Variants in CYB5R1 observed in about 807,000 individuals in gnomAD.
CYB5R1 encodes the protein cytochrome b5 reductase 1.
Under a neutral mutation model 37.4 loss-of-function variants are expected in CYB5R1, and 32 were observed. That is an observed-to-expected ratio of 0.86 (90% confidence interval 0.65 to 1.15). CYB5R1 has a LOEUF of 1.15. CYB5R1 is among the 50% of genes most tolerant of loss of function. The pLI, the probability that CYB5R1 is intolerant of heterozygous loss-of-function variation, is 0.00. For synonymous variants in CYB5R1, 159 were observed against 155.2 expected, an observed-to-expected ratio of 1.02 and a Z score of -0.18; for missense variants, 345 against 382.5, an observed-to-expected ratio of 0.90 and a Z score of 0.82.
chr1:202,966,571 G>A lies in CYB5R1; in HGVS notation c.195C>T (p.Arg65=). 1 of 1,614,208 alleles carries A rather than the reference G, an allele frequency of 6.2e-7. No individual in the cohort carries two copies. Among genetic ancestry groups the A allele is most frequent in the Non-Finnish European group, 8.5e-7 (1 of 1,180,030 alleles). The change falls in exon 3 of 9, where the codon CGC becomes CGT. Residue 65 remains arginine (R), a synonymous_variant. Coordinates refer to ENST00000367249, the MANE Select transcript of CYB5R1 (RefSeq NM_016243.3). ...TTVSHNTKRF[R]FALPTAHHTL... is the part of the protein sequence containing the mutation. ...TGTGGTGGGCGGTGGGCAGGGCAAA[G>A]CGGAACCTCTTGGTGTTGTGGCTCA...
Position 202,962,620 on chromosome 1 carries a change from T to C in CYB5R1, c.825A>G (p.Val275=). ...HLPAPGDDVL[V]LLCGPPPMVQ... is the part of the protein sequence containing the mutation. ...CCATTGGGGGTGGCCCACAAAGCAG[T>C]ACCAGCACATCATCCCCTGGAGCGG... Residue 275 remains valine (V), a synonymous_variant, in exon 9 of 9, where the codon GTA becomes GTG. Coordinates refer to ENST00000367249, the MANE Select transcript of CYB5R1 (RefSeq NM_016243.3). The C allele has an allele frequency of 1.5e-5, 24 of 1,614,206 alleles. No individual in the cohort carries two copies. The highest frequency in any genetic ancestry group is 2.0e-5 in the Non-Finnish European group (24 of 1,180,046).
intron 8 of CYB5R1, 139 bp downstream of exon 8, chr1:202,962,927 C>A (rs550808555): frequency 5.2e-6 from 5 of 964,096 alleles, no homozygotes; most frequent in Non-Finnish European, 8.4e-6. Flanking sequence ...ACCAGGAGAT[C>A]ACTGTGTCTG....
At position 202,963,741 on chromosome 1, in the gene CYB5R1, C is replaced by A. The variant is rs543598961; in HGVS notation, c.560-14G>T. The A allele has an allele frequency of 5.9e-5, 93 of 1,589,334 alleles. 1 individual carries two copies. In the South Asian group the frequency reaches 9.8e-4, roughly 17 times the overall value. On this transcript the variant is annotated splice_polypyrimidine_tract_variant and intron_variant, in intron 6 of 8. Coordinates refer to ENST00000367249, the MANE Select transcript of CYB5R1 (RefSeq NM_016243.3). ...TTGGGGTGATTCCTGCATGAAGATA[C>A]CCCACAGTGAAATGTAGTGGCCACA...
chr1:202,964,424 T>TAA (rs11380528), intron 6 of CYB5R1, 188 bp downstream of exon 6: 1 of 594,806 alleles, frequency 1.7e-6, no homozygotes, highest in South Asian at 2.1e-5. Context: ...TTCCATCAGT[T>TAA]AAAATTTTTT....
At position 202,965,355 on chromosome 1, in the gene CYB5R1, G is replaced by C. The variant is rs1440164683; in HGVS notation, c.475+16C>G. The C allele has an allele frequency of 6.4e-7, 1 of 1,562,372 alleles. No homozygotes were observed. Among genetic ancestry groups the C allele is most frequent in the Non-Finnish European group, 8.6e-7 (1 of 1,157,858 alleles). ...ATAAAGTGGGAGACAGGCTCAAGGA[G>C]AAGACAGGTCATTACCTTTTCCAGT... On this transcript the variant is annotated intron_variant, in intron 5 of 8. Coordinates refer to ENST00000367249, the MANE Select transcript of CYB5R1 (RefSeq NM_016243.3).
At chr1:202,965,613 C>A in intron 4 of CYB5R1, 113 bp from the exon 5 acceptor site, 1 of 1,193,752 alleles carries the variant, frequency 8.4e-7, no homozygotes, top group Admixed American at 2.5e-5. Flanking sequence ...CTATCTTTTC[C>A]CCGTCTACAT....
intron 3 of CYB5R1, 34 bp from the exon 4 acceptor site, chr1:202,966,027 T>C: frequency 7.3e-7 from 1 of 1,376,422 alleles, no homozygotes; most frequent in Admixed American, 1.7e-5. Flanking sequence ...ATAAGGGTTG[T>C]CTGTGATGTG....
chr1:202,962,859 C>A lies in CYB5R1; in HGVS notation c.746-160G>T. ...ATACTCAGCCTGCCTCAAGCTGAGC[C>A]TTAGCAGCACCGCCATCCCTGTCAC... is the stretch of plus-strand genomic sequence containing the variant. On this transcript the variant is annotated intron_variant, in intron 8 of 8. Transcript: ENST00000367249. 6 of 1,026,792 alleles carry A rather than the reference C, an allele frequency of 5.8e-6. No individual in the cohort carries two copies. The South Asian group carries it at 8.1e-5, about 14-fold the overall frequency. The allele number at this position is 1,026,792 out of a possible 1,614,324, so 63.6% of individuals were successfully genotyped here.
intron 6 of CYB5R1, 93 bp from the exon 7 acceptor site, chr1:202,963,820 C>A: frequency 1.4e-6 from 1 of 708,636 alleles, no homozygotes; most frequent in Non-Finnish European, 2.2e-6. Context: ...CTTCATTCTG[C>A]TCATTCACCA....
At position 202,966,784 on chromosome 1, in the gene CYB5R1, T is replaced by C. The variant is rs777377199; in HGVS notation, c.130A>G (p.Asn44Asp). ...AGCAGTCGTAGCAGGTACTTTTCAT[T>C]GGGGTCCAGGAGAGTGACCTGAGGC... ...RRPQVTLLDPNEKYLLRLLDK... is the reference protein window; with the variant it reads ...RRPQVTLLDPDEKYLLRLLDK... The change falls in exon 2 of 9, where the codon AAT becomes GAT. Residue 44 changes from asparagine (N) to aspartate (D), a missense_variant. Physicochemically the swap from Asn to Asp is conservative, Grantham distance 23. Transcript: ENST00000367249. 4 of 1,614,060 alleles carry C rather than the reference T, an allele frequency of 2.5e-6. No homozygotes were observed. The highest frequency in any genetic ancestry group is 3.4e-6 in the Non-Finnish European group (4 of 1,179,964).
intron 6 of CYB5R1, chr1:202,963,938 G>C: frequency 9.0e-6 from 4 of 443,998 alleles, no homozygotes; most frequent in Non-Finnish European, 1.6e-5. Context: ...TCATATTGTA[G>C]AAATCTTTCT....
At chr1:202,965,319 T>G (rs1655062678) in intron 5 of CYB5R1, 52 bp downstream of exon 5, 1 of 1,527,240 alleles carries the variant, frequency 6.5e-7, no homozygotes, top group East Asian at 2.4e-5. Context: ...CCAAGAGGAC[T>G]ATGGGAACTG....
At chr1:202,963,540 C>A (rs1655034439) in intron 7 of CYB5R1, 102 bp downstream of exon 7, 2 of 840,098 alleles carry the variant, frequency 2.4e-6, no homozygotes. Flanking sequence ...TGGGCAGAGG[C>A]TAAAACAGGG....
At position 202,966,954 on chromosome 1, in the gene CYB5R1, G is replaced by A. The variant is rs1003531737; in HGVS notation, c.16-56C>T. 7.2e-6 allele frequency: 11 copies of A among 1,535,482 alleles called. No homozygotes were observed. In the East Asian group the frequency reaches 1.2e-4, roughly 17 times the overall value. On this transcript the variant is annotated intron_variant, in intron 1 of 8. Transcript: ENST00000367249. ...GGCTGGGTAAGAGCCCGGGGCTTGG[G>A]TGGTGACCGTCCCAGGGGTGGCGAT...
intron 1 of CYB5R1, 74 bp from the exon 2 acceptor site, chr1:202,966,972 G>A (rs1655111077): frequency 1.3e-6 from 2 of 1,503,192 alleles, no homozygotes; most frequent in East Asian, 2.5e-5. Context: ...CGTCCCAGGG[G>A]TGGCGATCCC....
At chr1:202,964,096 A>C (rs1216714778) in intron 6 of CYB5R1, 1 of 198,212 alleles carries the variant, frequency 5.0e-6, no homozygotes, top group African/African-American at 2.3e-5. Flanking sequence ...GGCACTAGGC[A>C]GAGCCAAATA....
chr1:202,966,439 G>T, intron 3 of CYB5R1, 89 bp downstream of exon 3: 3 of 1,448,572 alleles, frequency 2.1e-6, no homozygotes, highest in South Asian at 1.2e-5. Flanking sequence ...GGAGCAAACC[G>T]GTTGAAGCAG....
Position 202,966,012 on chromosome 1 carries a change from G to T in CYB5R1, c.239-19C>A, listed in dbSNP as rs369815051. The T allele has an allele frequency of 1.2e-3, 1,769 of 1,512,296 alleles. 3 individuals are homozygous for T. Among genetic ancestry groups the T allele is most frequent in the Non-Finnish European group, 1.5e-3 (1,606 of 1,087,832 alleles). 93.7% of individuals were successfully genotyped at this position (1,512,296 alleles called of 1,614,324 possible). On this transcript the variant is annotated intron_variant, in intron 3 of 8. Transcript: ENST00000367249. ...TGTTTGCCTGGGGACCGTGCAGAGAGCTACATAAGGGTTGTCTGTGATGTG... is the reference window on the plus strand; with the variant it reads ...TGTTTGCCTGGGGACCGTGCAGAGATCTACATAAGGGTTGTCTGTGATGTG...
chr1:202,962,927 C>T (rs550808555), intron 8 of CYB5R1, 139 bp downstream of exon 8: 10 of 964,096 alleles, frequency 1.0e-5, no homozygotes, highest in Non-Finnish European at 1.7e-5. Flanking sequence ...ACCAGGAGAT[C>T]ACTGTGTCTG....
Sources: gnomAD v4.1 joint callset for allele counts on GRCh38, gnomAD v4.1.1 for gene constraint, MANE v1.5 for transcripts, NCBI Gene and HGNC (gene_info 2026-07-23, HGNC 2026-07-21) for gene names.